ZNF804A: variants seen among roughly 807,000 people sequenced by gnomAD.
The protein encoded by ZNF804A is zinc finger protein 804A.
Under a neutral mutation model 16.5 loss-of-function variants are expected in ZNF804A, and 2 were observed. The observed-to-expected ratio is 0.12, with a 90% CI of 0.05 to 0.38. The LOEUF is 0.38. ZNF804A is among the 10% of genes least tolerant of loss of function. The pLI, the probability that ZNF804A is intolerant of heterozygous loss-of-function variation, is 0.99. For missense variants in ZNF804A, 1,473 were observed against 1,390.7 expected, an observed-to-expected ratio of 1.06 and a Z score of -0.94; for synonymous variants, 534 against 489.6, an observed-to-expected ratio of 1.09 and a Z score of -1.20.
chr2:184,840,055 G>A (rs1367268458), intron 1 of ZNF804A, among the ~76,000 whole-genome samples: 1 of 152,110 alleles, frequency 6.6e-6, no homozygotes, highest in African/African-American at 2.4e-5. Context: ...CCCATTGAAA[G>A]CTACTTCTCT....
chr2:184,610,764 T>G (rs1428962505), intron 1 of ZNF804A, among the ~76,000 whole-genome samples: 1 of 152,206 alleles, frequency 6.6e-6, no homozygotes, highest in Middle Eastern at 3.2e-3. Flanking sequence ...CACTCCAGAA[T>G]AGTGTTCTTG....
chr2:184,832,364 T>A (rs181274880), intron 1 of ZNF804A, among the ~76,000 whole-genome samples: 13 of 152,194 alleles, frequency 8.5e-5, no homozygotes, highest in Admixed American at 4.6e-4. Flanking sequence ...CCAGAGTTAT[T>A]ATACCATGTT....
intron 1 of ZNF804A, among the ~76,000 whole-genome samples, chr2:184,681,703 G>A (rs926200785): frequency 2.6e-5 from 4 of 152,290 alleles, no homozygotes; most frequent in East Asian, 1.9e-4. Context: ...AGTGCAGCCC[G>A]GACTGTGCAC....
At chr2:184,603,221 C>A (rs977883521) in intron 1 of ZNF804A, among the ~76,000 whole-genome samples, 11 of 152,104 alleles carry the variant, frequency 7.2e-5, no homozygotes, top group African/African-American at 2.2e-4. Context: ...CTGTTCTAGG[C>A]ACCACAGGCT....
chr2:184,820,430 G>A (rs969344746), intron 1 of ZNF804A, among the ~76,000 whole-genome samples: 4 of 151,942 alleles, frequency 2.6e-5, no homozygotes, highest in African/African-American at 9.7e-5. Context: ...AATAATAAGC[G>A]CCATATATGA....
intron 2 of ZNF804A, among the ~76,000 whole-genome samples, chr2:184,903,456 G>A (rs1355645094): frequency 6.6e-6 from 1 of 152,066 alleles, no homozygotes; most frequent in Non-Finnish European, 1.5e-5. Flanking sequence ...AGGAGCAATA[G>A]GCTATACCAT....
At chr2:184,752,557 A>C (rs189332874) in intron 1 of ZNF804A, among the ~76,000 whole-genome samples, 105 of 151,664 alleles carry the variant, frequency 6.9e-4, no homozygotes, top group African/African-American at 2.5e-3. Flanking sequence ...TGAGTAAACT[A>C]GGAGCCCAAT....
At chr2:184,717,099 A>G (rs952002567) in intron 1 of ZNF804A, among the ~76,000 whole-genome samples, 6 of 152,172 alleles carry the variant, frequency 3.9e-5, no homozygotes, top group African/African-American at 1.4e-4. Context: ...CGAATTAGAC[A>G]TAAATAAATA....
rs529786449 is a variant in ZNF804A at position 184,738,298 on chromosome 2, A to G, written c.112-128071A>G. ...CACTGCTAAAAAAAAAGGACAGTAC[A>G]TGTGTAAGCATTTAACTTCCTGGGT... On this transcript the variant is annotated intron_variant, in intron 1 of 3. Coordinates refer to ENST00000302277, the MANE Select transcript of ZNF804A (RefSeq NM_194250.2). Among the ~76,000 whole-genome samples the G allele has an allele frequency of 2.1e-4, 32 of 152,206 alleles. No homozygotes were observed. The Middle Eastern group carries it at 0.024, about 113-fold the overall frequency.
chr2:184,909,870 C>T (rs1685330016), intron 2 of ZNF804A, among the ~76,000 whole-genome samples: 1 of 151,948 alleles, frequency 6.6e-6, no homozygotes, highest in Non-Finnish European at 1.5e-5. Context: ...TTGTTCAGAT[C>T]AAAAGCAATC....
intron 1 of ZNF804A, among the ~76,000 whole-genome samples, chr2:184,673,672 G>T (rs1480480): frequency 2.2e-4 from 33 of 152,200 alleles, no homozygotes; most frequent in Middle Eastern, 3.4e-3. Context: ...TGCTTTGTGT[G>T]TCTCTTCCTT....
chr2:184,760,496 G>A (rs898779625), intron 1 of ZNF804A, among the ~76,000 whole-genome samples: 4 of 151,972 alleles, frequency 2.6e-5, no homozygotes, highest in Non-Finnish European at 5.9e-5. Flanking sequence ...TTTTAGAAAG[G>A]CATTATGTAT....
At chr2:184,740,402 T>C (rs1039129598) in intron 1 of ZNF804A, among the ~76,000 whole-genome samples, 5 of 152,230 alleles carry the variant, frequency 3.3e-5, no homozygotes, top group Non-Finnish European at 4.4e-5. Context: ...TTACATAATA[T>C]GCTTAGTGAA....
chr2:184,818,807 G>A (rs1461719996), intron 1 of ZNF804A, among the ~76,000 whole-genome samples: 1 of 151,932 alleles, frequency 6.6e-6, no homozygotes, highest in Non-Finnish European at 1.5e-5. Flanking sequence ...AAATAAAAAA[G>A]ACAAAGAAGG....
intron 1 of ZNF804A, among the ~76,000 whole-genome samples, chr2:184,802,263 A>G (rs79662983): frequency 3.9e-4 from 60 of 152,306 alleles, no homozygotes; most frequent in African/African-American, 1.4e-3. Flanking sequence ...CAGAGGGTTG[A>G]AATTGGGCAA....
rs547352680 is a variant in ZNF804A, at chr2:184,666,104, A to C, written c.111+67034A>C. 7.2e-5 allele frequency among the ~76,000 whole-genome samples: 11 copies of C among 152,306 alleles called. 1 individual carries two copies. In the South Asian group the frequency reaches 2.3e-3, roughly 32 times the overall value. On this transcript the variant is annotated intron_variant, in intron 1 of 3. Transcript: ENST00000302277. ...TGGTAACCAAAATTCTGAGTACCAC[A>C]GTTACTTTCCAAAGGATATTTGTAC...
At chr2:184,693,124 A>G (rs1692761043) in intron 1 of ZNF804A, among the ~76,000 whole-genome samples, 1 of 152,132 alleles carries the variant, frequency 6.6e-6, no homozygotes, top group Admixed American at 6.5e-5. Context: ...AACATATATT[A>G]TTTCTGCACA....
At chr2:184,916,357 A>G (rs1463576225) in intron 2 of ZNF804A, among the ~76,000 whole-genome samples, 1 of 152,190 alleles carries the variant, frequency 6.6e-6, no homozygotes, top group Non-Finnish European at 1.5e-5. Flanking sequence ...ATTTTATTTC[A>G]TACTAACTCA....
At chr2:184,740,377 G>A (rs1192123262) in intron 1 of ZNF804A, among the ~76,000 whole-genome samples, 1 of 152,150 alleles carries the variant, frequency 6.6e-6, no homozygotes, top group Non-Finnish European at 1.5e-5. Flanking sequence ...TAGAGTGTTG[G>A]CCTCTTTACG....
Sources: allele counts gnomAD v4.1 joint callset (sites outside exome capture counted in the v4.1 genomes callset), GRCh38; gene constraint gnomAD v4.1.1; transcripts MANE v1.5; gene names NCBI Gene and HGNC (gene_info 2026-07-23, HGNC 2026-07-21).